Variants in PDE4D observed in about 807,000 individuals in gnomAD.
PDE4D encodes the protein 3',5'-cyclic-AMP phosphodiesterase 4D.
In PDE4D, 24 loss-of-function variants were observed where a neutral mutation model predicts 87.4. The observed-to-expected ratio is 0.27, with a 90% CI of 0.20 to 0.39. PDE4D has a LOEUF of 0.39. PDE4D is among the 10% of genes least tolerant of loss of function. The probability of loss-of-function intolerance (pLI) is 1.00; values close to 1 mark genes in which losing one functional copy is unlikely to be tolerated. For synonymous variants in PDE4D, 384 were observed against 383.2 expected, an observed-to-expected ratio of 1.00 and a Z score of -0.02; for missense variants, 714 against 1,041.0, an observed-to-expected ratio of 0.69 and a Z score of 4.32.
chr5:59,031,411 T>G (rs914656391), intron 6 of PDE4D, among the ~76,000 whole-genome samples: 6 of 99,542 alleles, frequency 6.0e-5, no homozygotes, highest in African/African-American at 2.2e-4. Flanking sequence ...TATATATATA[T>G]ATATAGATTA....
intron 2 of PDE4D, among the ~76,000 whole-genome samples, chr5:60,079,435 C>T (rs1773691005): frequency 6.6e-6 from 1 of 152,144 alleles, no homozygotes; most frequent in African/African-American, 2.4e-5. Context: ...GTGTTTTTGT[C>T]ATGAAGTCTT....
Position 59,492,173 on chromosome 5 carries a change from C to T in PDE4D, c.456-276205G>A, listed in dbSNP as rs184379682. On this transcript the variant is annotated intron_variant, in intron 1 of 14. Transcript: ENST00000340635. The stretch of plus-strand genomic sequence containing the variant: ...GCATCACCTCTTTCTTCCTTGAATG[C>T]CCATGAAAACCTTGAATACAAGTAT... Among the ~76,000 whole-genome samples the T allele has an allele frequency of 1.6e-4, 25 of 152,234 alleles. No individual in the cohort carries two copies. In the East Asian group the frequency reaches 3.3e-3, roughly 20 times the overall value.
intron 1 of PDE4D, among the ~76,000 whole-genome samples, chr5:60,312,728 G>C (rs774081728): frequency 2.0e-5 from 3 of 152,040 alleles, no homozygotes; most frequent in Admixed American, 1.3e-4. Flanking sequence ...GCAAGATTTG[G>C]GTGGGAACAC....
rs191174468 is a variant in PDE4D, at chr5:60,161,944, C to T, written c.42+23613G>A. On this transcript the variant is annotated intron_variant, in intron 2 of 16. Transcript: ENST00000502484. Reference sequence around the variant, plus strand: ...CACATACATCTTTAGTGGCAGAACCCTGGTCTTCAAGAAAGATGCTTATTC... The same window carrying T: ...CACATACATCTTTAGTGGCAGAACCTTGGTCTTCAAGAAAGATGCTTATTC... 7.1e-4 allele frequency among the ~76,000 whole-genome samples: 108 copies of T among 152,158 alleles called. No homozygotes were observed. In the Middle Eastern group the frequency reaches 0.031, roughly 43 times the overall value.
intron 2 of PDE4D, among the ~76,000 whole-genome samples, chr5:60,086,028 G>T (rs1774486412): frequency 6.6e-6 from 1 of 152,068 alleles, no homozygotes; most frequent in Admixed American, 6.6e-5. Context: ...TAAAAAAATG[G>T]CATCTATTTT....
chr5:59,707,697 G>T (rs1423421884), intron 1 of PDE4D, among the ~76,000 whole-genome samples: 1 of 152,014 alleles, frequency 6.6e-6, no homozygotes, highest in East Asian at 1.9e-4. Context: ...CCCAGTGTGT[G>T]TTGTTCCCCT....
chr5:60,366,416 A>T (rs1760548423), intron 1 of PDE4D, among the ~76,000 whole-genome samples: 2 of 152,212 alleles, frequency 1.3e-5, no homozygotes, highest in African/African-American at 2.4e-5. Flanking sequence ...TATTGTTTCA[A>T]GCATAAGGCA....
At chr5:60,029,850 A>T (rs998562635) in intron 2 of PDE4D, among the ~76,000 whole-genome samples, 1 of 152,070 alleles carries the variant, frequency 6.6e-6, no homozygotes, top group Non-Finnish European at 1.5e-5. Flanking sequence ...TGGTAAATGG[A>T]GTGAGTTGTG....
intron 1 of PDE4D, among the ~76,000 whole-genome samples, chr5:59,486,578 T>C (rs2153658386): frequency 6.6e-6 from 1 of 152,318 alleles, no homozygotes; most frequent in South Asian, 2.1e-4. Flanking sequence ...ACAATACATT[T>C]ATTAAATAGA....
chr5:59,878,717 A>T (rs990855643), intron 1 of PDE4D, among the ~76,000 whole-genome samples: 4 of 151,810 alleles, frequency 2.6e-5, no homozygotes, highest in African/African-American at 2.4e-5. Flanking sequence ...TTCCACTTTT[A>T]AAAAAAACCT....
intron 1 of PDE4D, among the ~76,000 whole-genome samples, chr5:59,292,593 A>C (rs578147406): frequency 1.3e-5 from 2 of 152,332 alleles, no homozygotes; most frequent in Admixed American, 6.5e-5. Context: ...TAAAATAAAA[A>C]ACTCAGCACA....
chr5:59,605,420 CA>C (rs1357894980), intron 1 of PDE4D, among the ~76,000 whole-genome samples: 1 of 152,048 alleles, frequency 6.6e-6, no homozygotes, highest in Non-Finnish European at 1.5e-5. Flanking sequence ...AACATCCCAT[CA>C]AACACAATTT....
At chr5:59,366,311 G>GT (rs1471941251) in intron 1 of PDE4D, among the ~76,000 whole-genome samples, 1 of 152,064 alleles carries the variant, frequency 6.6e-6, no homozygotes, top group South Asian at 2.1e-4. Context: ...AAGACAATTT[G>GT]TTTTTTTCTA....
At chr5:59,933,606 G>A (rs1011999440) in intron 3 of PDE4D, among the ~76,000 whole-genome samples, 1 of 152,048 alleles carries the variant, frequency 6.6e-6, no homozygotes, top group East Asian at 1.9e-4. Flanking sequence ...CATTTGATAG[G>A]TCAGGAAACA....
chr5:59,467,701 G>A (rs1801786903), intron 1 of PDE4D, among the ~76,000 whole-genome samples: 3 of 152,094 alleles, frequency 2.0e-5, no homozygotes, highest in South Asian at 2.1e-4. Context: ...TGAAGCATAC[G>A]TACAATTGTA....
At chr5:59,404,016 T>C (rs1582420791) in intron 1 of PDE4D, among the ~76,000 whole-genome samples, 2 of 152,358 alleles carry the variant, frequency 1.3e-5, no homozygotes, top group South Asian at 2.1e-4. Context: ...TGAGATAATA[T>C]TTAACTGCAG....
intron 6 of PDE4D, among the ~76,000 whole-genome samples, chr5:59,003,536 A>G (rs1750956614): frequency 6.6e-6 from 1 of 152,176 alleles, no homozygotes; most frequent in Admixed American, 6.5e-5. Context: ...CTGCCCCTTC[A>G]TTCAATATTT....
At chr5:60,162,698 A>G (rs533358064) in intron 2 of PDE4D, among the ~76,000 whole-genome samples, 1 of 152,178 alleles carries the variant, frequency 6.6e-6, no homozygotes, top group African/African-American at 2.4e-5. Context: ...AAGAACATGT[A>G]TTTTAAGCAA....
intron 6 of PDE4D, among the ~76,000 whole-genome samples, chr5:59,032,564 C>A (rs537238998): frequency 2.3e-4 from 35 of 152,234 alleles, no homozygotes; most frequent in African/African-American, 7.2e-4. Flanking sequence ...GGCGACAGAG[C>A]GAGACTCTGT....
Sources: allele counts gnomAD v4.1 joint callset (sites outside exome capture counted in the v4.1 genomes callset), GRCh38; gene constraint gnomAD v4.1.1; transcripts MANE v1.5; gene names NCBI Gene and HGNC (gene_info 2026-07-23, HGNC 2026-07-21).